Variants in ARL15 observed in about 807,000 individuals in gnomAD.
The protein encoded by ARL15 is ADP-ribosylation factor-like protein 15.
ARL15 carries 19 observed loss-of-function variants against 25.2 expected under a neutral mutation model. The ratio of observed to expected loss-of-function variants is 0.75; its 90% CI spans 0.53 to 1.10. The LOEUF (loss-of-function observed/expected upper bound fraction) is 1.10. ARL15 is among the 50% of genes least tolerant of loss of function. ARL15 has a pLI of 0.00. For missense variants in ARL15, 220 were observed against 246.0 expected (o/e 0.89, Z 0.71); for synonymous variants, 94 against 86.8 (o/e 1.08, Z -0.46).
chr5:54,078,794 C>T lies in ARL15; in HGVS notation c.462+34408G>A, dbSNP rs73112697. On this transcript the variant is annotated intron_variant, in intron 4 of 4. Coordinates refer to ENST00000504924, the MANE Select transcript of ARL15 (RefSeq NM_019087.3). Reference sequence around the variant, plus strand: ...ATAAAAATAATCACATATAAGCTAACTCACTATCCTACTAAACCTTGATAG... The same window carrying T: ...ATAAAAATAATCACATATAAGCTAATTCACTATCCTACTAAACCTTGATAG... Among the ~76,000 whole-genome samples the T allele has an allele frequency of 4.2e-4, 64 of 152,246 alleles. 1 individual carries two copies. The highest frequency in any genetic ancestry group is 1.4e-3 in the African/African-American group (58 of 41,566).
intron 1 of ARL15, among the ~76,000 whole-genome samples, chr5:54,286,000 A>G (rs1271933757): frequency 1.5e-4 from 23 of 152,188 alleles, no homozygotes; most frequent in Admixed American, 1.4e-3. Flanking sequence ...AATGCCACCT[A>G]CTTCAGAACT....
chr5:54,210,957 C>A (rs1177290816), intron 1 of ARL15, among the ~76,000 whole-genome samples: 1 of 152,118 alleles, frequency 6.6e-6, no homozygotes. Context: ...CAATTACTAC[C>A]TGACACTGTC....
intron 1 of ARL15, among the ~76,000 whole-genome samples, chr5:54,301,964 A>G (rs1322920639): frequency 1.3e-5 from 2 of 152,252 alleles, no homozygotes; most frequent in East Asian, 3.8e-4. Context: ...CTACTATCAA[A>G]ATCATGTAGG....
At chr5:53,985,836 C>T (rs868423596) in intron 4 of ARL15, among the ~76,000 whole-genome samples, 4 of 152,022 alleles carry the variant, frequency 2.6e-5, no homozygotes, top group East Asian at 1.9e-4. Flanking sequence ...GTAGAGCAAC[C>T]GACAAAATTA....
At chr5:54,294,463 A>C (rs891852199) in intron 1 of ARL15, among the ~76,000 whole-genome samples, 1 of 152,220 alleles carries the variant, frequency 6.6e-6, no homozygotes, top group African/African-American at 2.4e-5. Flanking sequence ...TAAGCTCACA[A>C]TAAGTATTTG....
In ARL15 at chr5:53,932,409, GC is replaced by G. The variant is rs1209007975; in HGVS notation, c.463-45697del. ...CCAACAGCTCCCCCTTCATAGGAGAGCCTTGCCAATGGCTTTTTACCTCTGG... is the reference window on the plus strand; with the variant it reads ...CCAACAGCTCCCCCTTCATAGGAGAGCTTGCCAATGGCTTTTTACCTCTGG... On this transcript the variant is annotated intron_variant, in intron 4 of 4. Transcript: ENST00000504924. 6.6e-5 allele frequency among the ~76,000 whole-genome samples: 10 copies of G among 152,184 alleles called. 1 individual carries two copies. Among genetic ancestry groups the G allele is most frequent in the African/African-American group, 2.2e-4 (9 of 41,450 alleles).
chr5:53,964,587 C>T (rs1256313783), intron 4 of ARL15, among the ~76,000 whole-genome samples: 1 of 152,146 alleles, frequency 6.6e-6, no homozygotes, highest in Non-Finnish European at 1.5e-5. Flanking sequence ...GTCTTGATCT[C>T]CTGACCTCGT....
chr5:54,271,629 C>T (rs1172608424), intron 1 of ARL15, among the ~76,000 whole-genome samples: 1 of 152,106 alleles, frequency 6.6e-6, no homozygotes, highest in Admixed American at 6.5e-5. Context: ...TTTATTCTCT[C>T]TGGAGAACTC....
intron 4 of ARL15, among the ~76,000 whole-genome samples, chr5:53,918,999 T>C (rs1028954313): frequency 6.6e-6 from 1 of 152,184 alleles, no homozygotes; most frequent in East Asian, 1.9e-4. Context: ...TTGTCTTTCA[T>C]TGGGAAGGAA....
chr5:54,249,614 G>A (rs1186314464), intron 1 of ARL15, among the ~76,000 whole-genome samples: 1 of 150,628 alleles, frequency 6.6e-6, no homozygotes, highest in Non-Finnish European at 1.5e-5. Context: ...TCTAAGTGAA[G>A]GAGTTCATGA....
At chr5:54,189,344 T>C (rs1755331417) in intron 1 of ARL15, among the ~76,000 whole-genome samples, 1 of 151,980 alleles carries the variant, frequency 6.6e-6, no homozygotes, top group African/African-American at 2.4e-5. Context: ...GACAAAACAA[T>C]CTTGAAAACA....
At chr5:53,929,469 T>C (rs1746133025) in intron 4 of ARL15, among the ~76,000 whole-genome samples, 1 of 152,248 alleles carries the variant, frequency 6.6e-6, no homozygotes, top group Admixed American at 6.5e-5. Flanking sequence ...ACTATAATAC[T>C]ATCATTTGTC....
intron 4 of ARL15, among the ~76,000 whole-genome samples, chr5:54,038,112 G>A (rs1042682600): frequency 6.6e-6 from 1 of 151,920 alleles, no homozygotes; most frequent in Non-Finnish European, 1.5e-5. Flanking sequence ...GCTGATTATA[G>A]CAACATATAT....
intron 3 of ARL15, among the ~76,000 whole-genome samples, chr5:54,123,003 A>G (rs1753130022): frequency 6.6e-6 from 1 of 152,224 alleles, no homozygotes; most frequent in South Asian, 2.1e-4. Flanking sequence ...TAATGAGTGA[A>G]TGGGGAGTGA....
intron 4 of ARL15, among the ~76,000 whole-genome samples, chr5:53,896,931 T>C (rs1178978774): frequency 6.6e-6 from 1 of 152,100 alleles, no homozygotes; most frequent in Non-Finnish European, 1.5e-5. Context: ...GATTAGGAGG[T>C]AGTTATCATT....
rs190073484 is a variant in ARL15, at chr5:53,980,836, C to T, written c.463-94123G>A. 5.7e-3 allele frequency among the ~76,000 whole-genome samples: 861 copies of T among 152,258 alleles called. 9 individuals carry two copies. The highest frequency in any genetic ancestry group is 0.017 in the Middle Eastern group (5 of 294). On this transcript the variant is annotated intron_variant, in intron 4 of 4. Coordinates refer to ENST00000504924, the MANE Select transcript of ARL15 (RefSeq NM_019087.3). Reference sequence around the variant, plus strand: ...AGGCTTCTCTCAAACTGCCCTGTAGCGAGGCATGGTGGTTCATTCTTGCAG... The same window carrying T: ...AGGCTTCTCTCAAACTGCCCTGTAGTGAGGCATGGTGGTTCATTCTTGCAG...
At chr5:54,021,606 C>A (rs939124632) in intron 4 of ARL15, among the ~76,000 whole-genome samples, 1 of 152,076 alleles carries the variant, frequency 6.6e-6, no homozygotes, top group Non-Finnish European at 1.5e-5. Context: ...AGTCTAAAAA[C>A]AATGAACAGA....
chr5:54,114,594 G>C (rs1021298018), intron 3 of ARL15, among the ~76,000 whole-genome samples: 5 of 152,026 alleles, frequency 3.3e-5, no homozygotes, highest in African/African-American at 9.7e-5. Flanking sequence ...TTTGAGACTA[G>C]AACAAACTCT....
chr5:54,021,299 C>T (rs1417169877), intron 4 of ARL15, among the ~76,000 whole-genome samples: 1 of 152,164 alleles, frequency 6.6e-6, no homozygotes, highest in Non-Finnish European at 1.5e-5. Flanking sequence ...CATGCCATTG[C>T]ACTCCAGCCT....
Sources: allele counts gnomAD v4.1 joint callset (sites outside exome capture counted in the v4.1 genomes callset), GRCh38; gene constraint gnomAD v4.1.1; transcripts MANE v1.5; gene names NCBI Gene and HGNC (gene_info 2026-07-23, HGNC 2026-07-21).